The following ZC4H2 variants were observed in gnomAD, a reference collection of about 807,000 sequenced individuals.
ZC4H2 encodes zinc finger C4H2 domain-containing protein.
For synonymous variants in ZC4H2, 84 were observed against 66.3 expected, an observed-to-expected ratio of 1.27 and a Z score of -1.30; for missense variants, 137 against 173.9, an observed-to-expected ratio of 0.79 and a Z score of 1.19.
At chrX:65,022,430 G>A (rs979029186) in intron 1 of ZC4H2, among the ~76,000 whole-genome samples, 5 of 111,535 alleles carry the variant, frequency 4.5e-5, no homozygotes, top group Admixed American at 2.9e-4. Flanking sequence ...AAAACCACAC[G>A]ATTATCTCAG....
In ZC4H2 at chrX:65,012,136, G is replaced by A. The variant is rs183003608; in HGVS notation, c.-272+22493C>T. Among the ~76,000 whole-genome samples the A allele has an allele frequency of 5.0e-3, 515 of 102,272 alleles. 3 individuals are homozygous for A. Among genetic ancestry groups the A allele is most frequent in the African/African-American group, 0.017 (476 of 27,974 alleles). 88.8% of individuals were successfully genotyped at this position (102,272 alleles called of 115,157 possible). On this transcript the variant is annotated intron_variant, in intron 1 of 4. Transcript: ENST00000337990. ...CTAGCGACTTGGGAGGCTGAGGCAG[G>A]AGAATCACTTGAACCTGGGAGGCAG...
intron 1 of ZC4H2, among the ~76,000 whole-genome samples, chrX:65,012,547 C>G (rs1932766162): frequency 9.0e-6 from 1 of 111,641 alleles, no homozygotes; most frequent in African/African-American, 3.3e-5. Flanking sequence ...CTTCCTCTCT[C>G]AAAACATCTG....
At chrX:64,934,808 G>A (rs994793898) in intron 1 of ZC4H2, among the ~76,000 whole-genome samples, 1 of 111,849 alleles carries the variant, frequency 8.9e-6, no homozygotes, top group Non-Finnish European at 1.9e-5. Context: ...CTCAAATACT[G>A]TGCTTTTCCC....
chrX:64,932,482 G>T lies in ZC4H2; in HGVS notation c.54-10494C>A, dbSNP rs112503105. Among the ~76,000 whole-genome samples, 388 of 111,405 alleles carry T rather than the reference G, an allele frequency of 3.5e-3. 1 individual carries two copies. The highest frequency in any genetic ancestry group is 0.01 in the African/African-American group (311 of 30,690). On this transcript the variant is annotated intron_variant, in intron 1 of 4. Coordinates refer to ENST00000374839, the MANE Select transcript of ZC4H2 (RefSeq NM_018684.4). ...CCTGTGAGATTTATGCTTTAAGAAG[G>T]TTATATTTTGGTGTATATCAAGGTT...
chrX:64,950,775 C>T (rs752794189), intron 1 of ZC4H2, among the ~76,000 whole-genome samples: 2 of 110,798 alleles, frequency 1.8e-5, no homozygotes, highest in South Asian at 3.9e-4. Context: ...GAATACAGCA[C>T]ACTGATGGCT....
intron 1 of ZC4H2, among the ~76,000 whole-genome samples, chrX:64,962,610 C>T (rs764327178): frequency 8.1e-5 from 9 of 111,535 alleles, no homozygotes; most frequent in African/African-American, 2.6e-4. Context: ...AAGATTATTG[C>T]TGTTTTCAGT....
At chrX:65,007,956 C>G (rs1932694256) in intron 1 of ZC4H2, among the ~76,000 whole-genome samples, 1 of 111,448 alleles carries the variant, frequency 9.0e-6, no homozygotes, top group East Asian at 2.8e-4. Context: ...CAAAAATGGA[C>G]AAACTGGATC....
chrX:64,991,096 G>A (rs1428665695), intron 1 of ZC4H2, among the ~76,000 whole-genome samples: 3 of 111,671 alleles, frequency 2.7e-5, no homozygotes, highest in Non-Finnish European at 5.6e-5. Flanking sequence ...TTGGAGCCTC[G>A]GTTTCCCATC....
chrX:65,006,888 C>T (rs1489399249), intron 1 of ZC4H2, among the ~76,000 whole-genome samples: 1 of 112,060 alleles, frequency 8.9e-6, no homozygotes, highest in Non-Finnish European at 1.9e-5. Context: ...CTCCTCTCTC[C>T]TTAACAATTT....
At chrX:64,922,254 A>G (rs1929232484) in intron 1 of ZC4H2, 3 of 326,648 alleles carry the variant, frequency 9.2e-6, no homozygotes, top group Non-Finnish European at 1.4e-5. Context: ...CTACAAAAAA[A>G]AAAAAGAAAA....
At chrX:64,962,790 T>A (rs1419795048) in intron 1 of ZC4H2, among the ~76,000 whole-genome samples, 2 of 111,399 alleles carry the variant, frequency 1.8e-5, no homozygotes, top group Non-Finnish European at 3.8e-5. Flanking sequence ...ATCCCACTTA[T>A]GATAGCACCA....
chrX:65,020,837 T>C (rs752297414), intron 1 of ZC4H2, among the ~76,000 whole-genome samples: 5 of 111,605 alleles, frequency 4.5e-5, no homozygotes, highest in Non-Finnish European at 7.5e-5. Flanking sequence ...AATGGAGGAA[T>C]ATTTACCAAG....
chrX:64,979,610 C>T (rs1474559030), upstream of ZC4H2, among the ~76,000 whole-genome samples: 7 of 111,650 alleles, frequency 6.3e-5, no homozygotes, highest in Admixed American at 2.9e-4. Context: ...GAGAAGGAAA[C>T]TATAGCCTTC....
chrX:64,934,017 C>T (rs889809483), intron 1 of ZC4H2, among the ~76,000 whole-genome samples: 5 of 111,691 alleles, frequency 4.5e-5, no homozygotes, highest in African/African-American at 9.8e-5. Flanking sequence ...CCCTGCCAGG[C>T]AAGCAGGAAA....
intron 1 of ZC4H2, among the ~76,000 whole-genome samples, chrX:64,939,127 A>G (rs777031079): frequency 6.2e-4 from 70 of 112,107 alleles, no homozygotes; most frequent in Admixed American, 2.8e-3. Context: ...AATCACAAGC[A>G]TTCCTATACA....
intron 1 of ZC4H2, among the ~76,000 whole-genome samples, chrX:65,016,794 G>A (rs1224132625): frequency 1.8e-5 from 2 of 111,910 alleles, no homozygotes; most frequent in African/African-American, 6.5e-5. Context: ...AGAGTTCTAA[G>A]AGAGTCTAGT....
chrX:64,949,756 T>C (rs996704255), intron 1 of ZC4H2, among the ~76,000 whole-genome samples: 2 of 111,571 alleles, frequency 1.8e-5, no homozygotes, highest in Admixed American at 9.5e-5. Context: ...TTATTAGTCT[T>C]GCTATCGGTC....
intron 1 of ZC4H2, among the ~76,000 whole-genome samples, chrX:64,926,017 C>T (rs994448317): frequency 6.3e-5 from 7 of 111,720 alleles, no homozygotes; most frequent in African/African-American, 2.0e-4. Context: ...AATATGTTTA[C>T]GAAGATAGGT....
At position 64,999,336 on chromosome X, in the gene ZC4H2, A is replaced by C. The variant is rs758277905; in HGVS notation, c.-272+35293T>G. Among the ~76,000 whole-genome samples, 254 of 111,656 alleles carry C rather than the reference A, an allele frequency of 2.3e-3. 2 individuals are homozygous for C. The highest frequency in any genetic ancestry group is 7.0e-3 in the African/African-American group (216 of 30,725). Reference sequence around the variant, plus strand: ...GTATTGCCTCACCCAGGAAGCACAAAGGGTTGGGGAACTCACTCTTAGCCA... The same window carrying C: ...GTATTGCCTCACCCAGGAAGCACAACGGGTTGGGGAACTCACTCTTAGCCA... On this transcript the variant is annotated intron_variant, in intron 1 of 4. Transcript: ENST00000337990.
Sources: gnomAD v4.1 joint callset for allele counts (sites outside exome capture counted in the v4.1 genomes callset) on GRCh38, gnomAD v4.1.1 for gene constraint, MANE v1.5 for transcripts, NCBI Gene and HGNC (gene_info 2026-07-23, HGNC 2026-07-21) for gene names.